APLP2: variants seen among roughly 807,000 people sequenced by gnomAD.
APLP2 encodes amyloid beta precursor like protein 2, also known as CDEI box-binding protein.
APLP2 carries 53 observed loss-of-function variants against 89.9 expected under a neutral mutation model. The ratio of observed to expected loss-of-function variants is 0.59; its 90% CI spans 0.47 to 0.74. APLP2 has a LOEUF of 0.74. Ranked by LOEUF, APLP2 falls within the 30% of genes least tolerant of loss-of-function variation. APLP2 has a pLI of 0.00. For synonymous variants in APLP2, 372 were observed against 348.6 expected, an observed-to-expected ratio of 1.07 and a Z score of -0.75; for missense variants, 973 against 975.9, an observed-to-expected ratio of 1.00 and a Z score of 0.04.
chr11:130,070,275 G>A (rs1254603596), intron 1 of APLP2, among the ~76,000 whole-genome samples, 193 bp downstream of exon 1: 1 of 151,170 alleles, frequency 6.6e-6, no homozygotes, highest in African/African-American at 2.4e-5. Context: ...AGGTCGGGCT[G>A]CCTCAGCCGC....
At chr11:130,086,919 T>A (rs1302607445) in intron 1 of APLP2, among the ~76,000 whole-genome samples, 1 of 152,164 alleles carries the variant, frequency 6.6e-6, no homozygotes, top group Non-Finnish European at 1.5e-5. Context: ...GAAGTATGAG[T>A]CTTCCGTCTC....
intron 1 of APLP2, among the ~76,000 whole-genome samples, chr11:130,079,078 A>ATTTT (rs58245004): frequency 8.0e-4 from 114 of 142,890 alleles, no homozygotes; most frequent in Non-Finnish European, 1.4e-3. Flanking sequence ...CATGACATGT[A>ATTTT]TTTTTTTTAT....
chr11:130,093,698 A>C (rs1007320124), intron 1 of APLP2, among the ~76,000 whole-genome samples: 23 of 152,304 alleles, frequency 1.5e-4, no homozygotes, highest in African/African-American at 5.3e-4. Flanking sequence ...GTTAGGTTGA[A>C]AGTTCAGAAT....
chr11:130,126,827 C>T lies in APLP2; in HGVS notation c.1218C>T (p.Asp406=). The T allele has an allele frequency of 6.2e-7, 1 of 1,614,172 alleles. No homozygotes were observed. The highest frequency in any genetic ancestry group is 8.5e-7 in the Non-Finnish European group (1 of 1,179,984). Residue 406 remains aspartate, a synonymous_variant, in exon 8 of 17, where the codon GAC becomes GAT. Coordinates refer to ENST00000338167, the MANE Select transcript of APLP2 (RefSeq NM_001142276.2). ...QLEIRHRNRM[D]RVKKEWEEAE... ...AGATTCGGCACCGCAACCGAATGGA[C>T]AGGGTAAACCTTGACAATTTCTTCA...
intron 1 of APLP2, among the ~76,000 whole-genome samples, chr11:130,077,458 T>C (rs1218221120): frequency 6.6e-6 from 1 of 152,214 alleles, no homozygotes; most frequent in Non-Finnish European, 1.5e-5. Flanking sequence ...TGAAGCAGGC[T>C]TTTTACCCGG....
chr11:130,135,773 T>C (rs1383795957), intron 13 of APLP2, 58 bp downstream of exon 13: 3 of 1,593,892 alleles, frequency 1.9e-6, no homozygotes, highest in African/African-American at 2.7e-5. Flanking sequence ...AATGAGAGAA[T>C]TGAAGTCAGT....
intron 13 of APLP2, chr11:130,139,336 C>T (rs1382369866): frequency 6.6e-6 from 1 of 152,236 alleles, no homozygotes; most frequent in Non-Finnish European, 1.5e-5. Flanking sequence ...CTGCCTTTGA[C>T]AAGCCCAGGG....
At chr11:130,109,665 C>T in intron 2 of APLP2, 63 bp downstream of exon 2, 1 of 1,492,258 alleles carries the variant, frequency 6.7e-7, no homozygotes. Flanking sequence ...ATCTGTTTAC[C>T]TTAGAAATAG....
intron 13 of APLP2, among the ~76,000 whole-genome samples, chr11:130,138,280 A>G (rs1565603924): frequency 6.6e-6 from 1 of 152,242 alleles, no homozygotes; most frequent in Non-Finnish European, 1.5e-5. Flanking sequence ...TTCTCAGAAC[A>G]CAAAAGTGTG....
chr11:130,069,958 C>T lies in APLP2; in HGVS notation c.-20C>T. 1.3e-6 allele frequency: 2 copies of T among 1,493,952 alleles called. No homozygotes were observed. Among genetic ancestry groups the T allele is most frequent in the African/African-American group, 1.4e-5 (1 of 69,542 alleles). The allele number at this position is 1,493,952 out of a possible 1,614,324, so 92.5% of individuals were successfully genotyped here. On this transcript the variant is annotated 5_prime_UTR_variant, in exon 1 of 17. Transcript: ENST00000338167. ...AGTGTGTGAGCTTGAGAGCCGCGCG[C>T]TAGAGCGACCCGGCGAGGGATGGCG...
chr11:130,103,303 C>A (rs959897622), intron 1 of APLP2, among the ~76,000 whole-genome samples: 7 of 152,150 alleles, frequency 4.6e-5, no homozygotes, highest in African/African-American at 1.7e-4. Flanking sequence ...TCCGATGATA[C>A]CTTCTTGAGA....
chr11:130,134,475 A>G (rs1316570543), intron 12 of APLP2, among the ~76,000 whole-genome samples: 1 of 152,246 alleles, frequency 6.6e-6, no homozygotes, highest in South Asian at 2.1e-4. Flanking sequence ...TGGCCAAAGT[A>G]TGCAGGGACC....
chr11:130,127,794 T>A lies in APLP2; in HGVS notation c.1250T>A (p.Leu417His). 1 of 1,614,132 alleles carries A rather than the reference T, an allele frequency of 6.2e-7. No individual in the cohort carries two copies. The highest frequency in any genetic ancestry group is 8.5e-7 in the Non-Finnish European group (1 of 1,180,012). ...RVKKEWEEAE[L>H]QAKNLPKAER... Reference sequence around the variant, plus strand: ...AAGAAGGAATGGGAAGAGGCAGAGCTTCAAGCTAAGAACCTCCCCAAAGCA... The same window carrying A: ...AAGAAGGAATGGGAAGAGGCAGAGCATCAAGCTAAGAACCTCCCCAAAGCA... Residue 417 changes from leucine to histidine, a missense_variant, in exon 9 of 17, where the codon CTT becomes CAT. By Grantham distance (99) the Leu-to-His change is moderately conservative. Transcript: ENST00000338167.
At chr11:130,125,557 CT>C (rs1238387968) in intron 7 of APLP2, among the ~76,000 whole-genome samples, 1 of 152,104 alleles carries the variant, frequency 6.6e-6, no homozygotes, top group Non-Finnish European at 1.5e-5. Flanking sequence ...GTTTTTAGGT[CT>C]GTTAAATGGG....
At position 130,110,635 on chromosome 11, in the gene APLP2, G is replaced by T. The variant is rs758333669; in HGVS notation, c.377G>T (p.Arg126Leu). 8.7e-6 allele frequency: 14 copies of T among 1,613,650 alleles called. No homozygotes were observed. Among genetic ancestry groups the T allele is most frequent in the African/African-American group, 1.3e-5 (1 of 74,800 alleles). The change falls in exon 3 of 17, where the codon CGC (arginine) becomes CTC (leucine). Residue 126 changes from arginine to leucine, a missense_variant. Arg to Leu is a moderately radical substitution (Grantham distance 102). Coordinates refer to ENST00000338167, the MANE Select transcript of APLP2 (RefSeq NM_001142276.2). ...AGGGACAAAAAGCAATGCAAGAGTCGCTTTGTTACACCTTTCAAGTGTCTC... is the reference window on the plus strand; with the variant it reads ...AGGGACAAAAAGCAATGCAAGAGTCTCTTTGTTACACCTTTCAAGTGTCTC... ...CRRDKKQCKS[R>L]FVTPFKCLVG...
chr11:130,070,115 C>T (rs1940585567), intron 1 of APLP2, 33 bp downstream of exon 1: 4 of 1,305,696 alleles, frequency 3.1e-6, no homozygotes, highest in African/African-American at 3.1e-5. Flanking sequence ...AGAGTCGTCT[C>T]CTTCGCCCGC....
chr11:130,137,585 A>G (rs1951785211), intron 13 of APLP2, among the ~76,000 whole-genome samples: 1 of 152,218 alleles, frequency 6.6e-6, no homozygotes, highest in Non-Finnish European at 1.5e-5. Context: ...TGACCCTTTT[A>G]ATCTGGGTAG....
At chr11:130,122,017 A>G (rs995540247) in intron 5 of APLP2, among the ~76,000 whole-genome samples, 1 of 151,952 alleles carries the variant, frequency 6.6e-6, no homozygotes, top group Admixed American at 6.6e-5. Context: ...CTGAGCTGTT[A>G]TTTTCTGCAG....
intron 1 of APLP2, among the ~76,000 whole-genome samples, chr11:130,091,389 G>A (rs1441098496): frequency 8.5e-4 from 123 of 145,028 alleles, no homozygotes; most frequent in African/African-American, 3.0e-3. Flanking sequence ...CCTCCCTCCC[G>A]GATGGGGCGG....
Sources: allele counts gnomAD v4.1 joint callset (sites outside exome capture counted in the v4.1 genomes callset), GRCh38; gene constraint gnomAD v4.1.1; transcripts MANE v1.5; gene names NCBI Gene and HGNC (gene_info 2026-07-23, HGNC 2026-07-21).